Variants in CD109 observed in about 807,000 individuals in gnomAD.
The protein encoded by CD109 is CD109 antigen.
Under a neutral mutation model 165.8 loss-of-function variants are expected in CD109, and 149 were observed. The observed-to-expected ratio is 0.90, with a 90% CI of 0.79 to 1.03. CD109 has a LOEUF of 1.03. CD109 is among the 50% of genes least tolerant of loss of function. The pLI, the probability that CD109 is intolerant of heterozygous loss-of-function variation, is 0.00. For synonymous variants in CD109, 585 were observed against 592.1 expected, an observed-to-expected ratio of 0.99 and a Z score of 0.18; for missense variants, 1,712 against 1,677.8, an observed-to-expected ratio of 1.02 and a Z score of -0.36.
Position 73,792,654 on chromosome 6 carries a change from C to T in CD109, c.2730C>T (p.Gly910=), listed in dbSNP as rs751713495. Residue 910 remains glycine (G), a synonymous_variant, in exon 23 of 33, where the codon GGC becomes GGT. Transcript: ENST00000287097. ...ATGTTCTTGGTCCTTCCATCAATGGCTTAGCCTCATTGATTCGGATGCCTT... is the reference window on the plus strand; with the variant it reads ...ATGTTCTTGGTCCTTCCATCAATGGTTTAGCCTCATTGATTCGGATGCCTT... ...IGDVLGPSIN[G]LASLIRMPYG... 1 of 1,613,314 alleles carries T rather than the reference C, an allele frequency of 6.2e-7. No homozygotes were observed. Among genetic ancestry groups the T allele is most frequent in the East Asian group, 2.2e-5 (1 of 44,870 alleles).
At chr6:73,732,653 A>G (rs1177878305) in intron 4 of CD109, among the ~76,000 whole-genome samples, 6 of 152,250 alleles carry the variant, frequency 3.9e-5, no homozygotes, top group East Asian at 3.8e-4. Flanking sequence ...CTTCTACTGC[A>G]GGCAAATAAA....
At chr6:73,746,205 T>C (rs1197226218) in intron 5 of CD109, among the ~76,000 whole-genome samples, 1 of 152,218 alleles carries the variant, frequency 6.6e-6, no homozygotes, top group African/African-American at 2.4e-5. Context: ...TATGTGTGTA[T>C]GGTTCTGTAT....
chr6:73,819,733 T>C (rs2071272351), intron 31 of CD109, among the ~76,000 whole-genome samples: 1 of 152,256 alleles, frequency 6.6e-6, no homozygotes, highest in Non-Finnish European at 1.5e-5. Context: ...TAAGCACTGC[T>C]CAAAAGCCAT....
chr6:73,805,246 G>A (rs1775520780), intron 24 of CD109, among the ~76,000 whole-genome samples: 1 of 152,214 alleles, frequency 6.6e-6, no homozygotes, highest in Non-Finnish European at 1.5e-5. Context: ...GCCTTGAGAT[G>A]CTGTTAATCT....
In CD109 at chr6:73,758,991, A is replaced by G. The variant is rs762625249; in HGVS notation, c.721A>G (p.Met241Val). ...VTLQTPLYCS[M>V]NSKHLNGTIT... ...TTTGCAGACACCATTATATTGTTCT[A>G]TGAATTCTAAGCATTTAAATGGTAC... The change falls in exon 7 of 33, where the codon ATG (methionine) becomes GTG (valine). Residue 241 changes from methionine (M) to valine (V), a missense_variant. By Grantham distance (21) the Met-to-Val change is conservative. Transcript: ENST00000287097. 1.8e-5 allele frequency: 29 copies of G among 1,608,016 alleles called. No homozygotes were observed. Among genetic ancestry groups the G allele is most frequent in the Non-Finnish European group, 2.2e-5 (26 of 1,175,044 alleles).
rs1424073204 is a variant in CD109, at chr6:73,828,207, A to C, written c.*4574A>C. 6.5e-6 allele frequency: 1 copy of C among 154,802 alleles called. No homozygotes were observed. Among genetic ancestry groups the C allele is most frequent in the Non-Finnish European group, 1.5e-5 (1 of 68,208 alleles). 9.6% of individuals were successfully genotyped at this position (154,802 alleles called of 1,614,324 possible). On this transcript the variant is annotated 3_prime_UTR_variant, in exon 33 of 33. Transcript: ENST00000287097. ...TTATATATTGATCAAGGTGATTCTGAAAGTTTTAATTTTTAATGTTGTAAT... is the reference window on the plus strand; with the variant it reads ...TTATATATTGATCAAGGTGATTCTGCAAGTTTTAATTTTTAATGTTGTAAT...
intron 15 of CD109, among the ~76,000 whole-genome samples, chr6:73,773,774 C>G (rs1774135460): frequency 6.6e-6 from 1 of 152,046 alleles, no homozygotes. Flanking sequence ...GCCTTTCAAT[C>G]TATGCTGTTC....
At chr6:73,705,622 G>GA (rs1247289462) in intron 2 of CD109, among the ~76,000 whole-genome samples, 1 of 111,482 alleles carries the variant, frequency 9.0e-6, no homozygotes, top group Non-Finnish European at 2.1e-5. Context: ...CCTGTCTCAA[G>GA]AAAAAGAAAA....
intron 4 of CD109, among the ~76,000 whole-genome samples, chr6:73,734,160 C>T (rs545676639): frequency 1.3e-5 from 2 of 152,310 alleles, no homozygotes; most frequent in African/African-American, 2.4e-5. Context: ...GCATTCTCTC[C>T]CTCTGCCTTA....
At chr6:73,781,236 A>T in intron 16 of CD109, 23 bp from the exon 17 acceptor site, 2 of 1,596,610 alleles carry the variant, frequency 1.3e-6, no homozygotes, top group Non-Finnish European at 1.7e-6. Context: ...GTTTTAAAAG[A>T]AAATAAAAAT....
chr6:73,697,287 A>T (rs549498787), intron 1 of CD109, 113 bp from the exon 2 acceptor site: 1 of 846,692 alleles, frequency 1.2e-6, no homozygotes, highest in African/African-American at 1.7e-5. Context: ...AACGGAAACA[A>T]CTGCAATTGG....
At chr6:73,719,857 T>A (rs1050748403) in intron 2 of CD109, among the ~76,000 whole-genome samples, 2 of 152,240 alleles carry the variant, frequency 1.3e-5, no homozygotes, top group Non-Finnish European at 2.9e-5. Context: ...TTACCAAGTT[T>A]ACTTGCTGAA....
the CD109 span, among the ~76,000 whole-genome samples, chr6:73,688,761 G>GTTTTTTTTTTTTTTT: frequency 5.4e-5 from 4 of 73,530 alleles, 1 homozygote; most frequent in Non-Finnish European, 8.1e-5. Flanking sequence ...GTTTTTCTTT[G>GTTTTTTTTTTTTTTT]TTTTTTTTTT....
chr6:73,823,713 G>T lies in CD109; in HGVS notation c.*80G>T, dbSNP rs1394175352. On this transcript the variant is annotated 3_prime_UTR_variant, in exon 33 of 33. Coordinates refer to ENST00000287097, the MANE Select transcript of CD109 (RefSeq NM_133493.5). ...TGTTTTGTTTTCGTAGAAGAATACTGCTTCTATTTTGAAAAAAGAGTTTTT... is the reference window on the plus strand; with the variant it reads ...TGTTTTGTTTTCGTAGAAGAATACTTCTTCTATTTTGAAAAAAGAGTTTTT... 16 of 1,327,862 alleles carry T rather than the reference G, an allele frequency of 1.2e-5. No homozygotes were observed. Among genetic ancestry groups the T allele is most frequent in the Non-Finnish European group, 1.5e-5 (15 of 968,202 alleles). The allele number at this position is 1,327,862 out of a possible 1,614,324, so 82.3% of individuals were successfully genotyped here.
At chr6:73,698,484 C>T (rs1030820258) in intron 2 of CD109, among the ~76,000 whole-genome samples, 4 of 151,132 alleles carry the variant, frequency 2.6e-5, no homozygotes, top group African/African-American at 7.3e-5. Flanking sequence ...TGCTCCTGGC[C>T]GAGACATACA....
At chr6:73,698,536 G>A (rs1770943011) in intron 2 of CD109, among the ~76,000 whole-genome samples, 1 of 151,984 alleles carries the variant, frequency 6.6e-6, no homozygotes, top group South Asian at 2.1e-4. Flanking sequence ...AAAATTTAAG[G>A]CACGTAATGA....
rs1406967851 is a variant in CD109, at chr6:73,784,285, G to A, written c.2223+461G>A. Among the ~76,000 whole-genome samples the A allele has an allele frequency of 4.5e-5, 6 of 132,678 alleles. No homozygotes were observed. In the East Asian group the frequency reaches 1.4e-3, roughly 30 times the overall value. 87.0% of individuals were successfully genotyped at this position (132,678 alleles called of 152,430 possible). ...CTGGCAGGAGGAATATAATGACCAT[G>A]AGTGGCCTGAATTTTCTCATTTGAA... is the stretch of plus-strand genomic sequence containing the variant. On this transcript the variant is annotated intron_variant, in intron 19 of 32. Transcript: ENST00000287097.
chr6:73,769,936 C>T (rs922713412), intron 14 of CD109, among the ~76,000 whole-genome samples: 6 of 152,142 alleles, frequency 3.9e-5, no homozygotes, highest in Admixed American at 2.0e-4. Flanking sequence ...TTATTCAAGA[C>T]TATTGCAATG....
chr6:73,820,255 A>G (rs777784851), intron 31 of CD109, among the ~76,000 whole-genome samples: 1 of 152,184 alleles, frequency 6.6e-6, no homozygotes, highest in Non-Finnish European at 1.5e-5. Context: ...GCAAAATGGA[A>G]CTAAGAACAA....
Sources: allele counts gnomAD v4.1 joint callset (sites outside exome capture counted in the v4.1 genomes callset), GRCh38; gene constraint gnomAD v4.1.1; transcripts MANE v1.5; gene names NCBI Gene and HGNC (gene_info 2026-07-23, HGNC 2026-07-21).